The following MTMR10 variants were observed in gnomAD, a reference collection of about 807,000 sequenced individuals.
The protein encoded by MTMR10 is myotubularin related protein 10, also known as myotubularin-related protein 10.
Under a neutral mutation model 88.1 loss-of-function variants are expected in MTMR10, and 56 were observed. That is an observed-to-expected ratio of 0.64 (90% CI 0.51 to 0.79). The LOEUF is 0.79. MTMR10 is among the 30% of genes least tolerant of loss of function. MTMR10 has a pLI of 0.00. For synonymous variants in MTMR10, 380 were observed against 340.9 expected (o/e 1.11, Z -1.26); for missense variants, 883 against 924.7 (o/e 0.95, Z 0.58).
Position 30,970,106 on chromosome 15 carries a change from G to A in MTMR10, c.475-2096C>T, listed in dbSNP as rs2063519903. On this transcript the variant is annotated intron_variant, in intron 5 of 15. Coordinates refer to ENST00000435680, the MANE Select transcript of MTMR10 (RefSeq NM_017762.3). The stretch of plus-strand genomic sequence containing the variant: ...GTGGATGAAAAGTAGGATATAGGTG[G>A]TTCTGTTACACTTCTACCATGAAGG... 2.0e-5 allele frequency among the ~76,000 whole-genome samples: 3 copies of A among 152,108 alleles called. No homozygotes were observed. The South Asian group carries it at 6.2e-4, about 31-fold the overall frequency.
chr15:30,940,925 C>A lies in MTMR10; in HGVS notation c.*545G>T. On this transcript the variant is annotated 3_prime_UTR_variant, in exon 16 of 16. Coordinates refer to ENST00000435680, the MANE Select transcript of MTMR10 (RefSeq NM_017762.3). Reference sequence around the variant, plus strand: ...TAAAAGCAAACTCATGATTTCAAAACACAGTGATCTAAGGTTCCAAAGAAG... The same window carrying A: ...TAAAAGCAAACTCATGATTTCAAAAAACAGTGATCTAAGGTTCCAAAGAAG... 3 of 1,050,820 alleles carry A rather than the reference C, an allele frequency of 2.9e-6. No individual in the cohort carries two copies. The highest frequency in any genetic ancestry group is 3.5e-6 in the Non-Finnish European group (3 of 868,394). The allele number at this position is 1,050,820 out of a possible 1,614,324, so 65.1% of individuals were successfully genotyped here.
At chr15:30,928,096 C>T in the MTMR10 span, 5 of 1,000,108 alleles carry the variant, frequency 5.0e-6, no homozygotes, top group Admixed American at 5.6e-5. Flanking sequence ...TGGCTGCTGC[C>T]GGCCTCCGGG....
chr15:30,937,077 C>A, downstream of MTMR10: 8 of 1,551,772 alleles, frequency 5.2e-6, no homozygotes, highest in Non-Finnish European at 7.0e-6. Flanking sequence ...GCTTTTCATT[C>A]AGTAAGATAC....
At chr15:30,986,193 T>C (rs1027296106) in intron 2 of MTMR10, among the ~76,000 whole-genome samples, 6 of 152,042 alleles carry the variant, frequency 3.9e-5, no homozygotes, top group Non-Finnish European at 7.4e-5. Flanking sequence ...GGCGCACGTC[T>C]GTAGTCCTAG....
At chr15:30,990,976 G>A in intron 1 of MTMR10, 139 bp from the exon 2 acceptor site, 1 of 718,388 alleles carries the variant, frequency 1.4e-6, no homozygotes, top group East Asian at 2.8e-5. Context: ...CATATTAACT[G>A]AGCTGTTTTT....
At chr15:30,926,195 C>T in the MTMR10 span, among the ~76,000 whole-genome samples, 1 of 152,352 alleles carries the variant, frequency 6.6e-6, no homozygotes, top group African/African-American at 2.4e-5. Context: ...AGGTACTGCA[C>T]AAGCCTTTGT....
intron 14 of MTMR10, chr15:30,943,406 A>C: frequency 1.0e-6 from 1 of 984,642 alleles, no homozygotes; most frequent in South Asian, 4.7e-5. Flanking sequence ...TTATTTCTAT[A>C]ATTACAGTAT....
intron 14 of MTMR10, chr15:30,946,812 GTTT>G (rs2063178025): frequency 1.4e-6 from 1 of 694,830 alleles, no homozygotes; most frequent in Non-Finnish European, 2.6e-6. Flanking sequence ...CAGGGCTTTT[GTTT>G]TTTACTACCC....
chr15:30,974,950 A>G lies in MTMR10; in HGVS notation c.312T>C (p.Cys104=), dbSNP rs766838572. The change falls in exon 4 of 16, where the codon TGT becomes TGC. Residue 104 remains cysteine (C), a synonymous_variant. Transcript: ENST00000435680. ...LLGEHDVPLT[C]IEQIVTVNDH... is the part of the protein sequence containing the mutation. ...ACGTACCTGTGACAATTTGCTCAAT[A>G]CATGTTAAAGGGACATCGTGTTCAC... is the stretch of plus-strand genomic sequence containing the variant. 6.3e-7 allele frequency: 1 copy of G among 1,575,228 alleles called. No individual in the cohort carries two copies. Among genetic ancestry groups the G allele is most frequent in the African/African-American group, 1.3e-5 (1 of 74,324 alleles).
chr15:30,927,414 T>G, the MTMR10 span: 1 of 985,400 alleles, frequency 1.0e-6, no homozygotes, highest in South Asian at 4.7e-5. Context: ...CCGCTGTCCT[T>G]TTGAATCCCT....
At chr15:30,981,235 A>G (rs2141061810) in intron 2 of MTMR10, among the ~76,000 whole-genome samples, 1 of 152,388 alleles carries the variant, frequency 6.6e-6, no homozygotes, top group South Asian at 2.1e-4. Flanking sequence ...TCCTCTCTCC[A>G]GGAAGTGGAG....
chr15:30,922,664 C>T, the MTMR10 span, among the ~76,000 whole-genome samples: 52 of 152,278 alleles, frequency 3.4e-4, no homozygotes, highest in East Asian at 9.3e-3. Context: ...ATGACTCAGC[C>T]GTCAGCAAGT....
intron 12 of MTMR10, among the ~76,000 whole-genome samples, chr15:30,951,328 T>C (rs993350204): frequency 1.3e-5 from 2 of 152,122 alleles, no homozygotes; most frequent in African/African-American, 4.8e-5. Flanking sequence ...TAAAACAAAT[T>C]TGTACAAATT....
At position 30,941,507 on chromosome 15, in the gene MTMR10, AT is replaced by A; in HGVS notation, c.2296del (p.Ile766TyrfsTer8). The A allele has an allele frequency of 2.5e-6, 4 of 1,611,920 alleles. No homozygotes were observed. Among genetic ancestry groups the A allele is most frequent in the Non-Finnish European group, 3.4e-6 (4 of 1,178,842 alleles). Reference protein sequence around the residue: ...PLSKFLSGAKIWLSTETLANE... With the variant: ...PLSKFLSGAKXWLSTETLANE... ...TGCTAATGTCTCAGTAGACAACCAT[AT>A]TTTGGCCCCACTTAAAAATTTGCTT... is the stretch of plus-strand genomic sequence containing the variant. On this transcript the variant is annotated frameshift_variant, in exon 16 of 16. Transcript: ENST00000435680. LOFTEE classifies it high-confidence loss of function.
rs1359567707 is a variant in MTMR10 at position 30,953,510 on chromosome 15, T to C, written c.1136+52A>G. The C allele has an allele frequency of 1.2e-5, 16 of 1,367,930 alleles. No individual in the cohort carries two copies. The Admixed American group carries it at 1.3e-4, about 11-fold the overall frequency. 84.7% of individuals were successfully genotyped at this position (1,367,930 alleles called of 1,614,324 possible). A position where few individuals can be genotyped will look rare whatever the true frequency, so the allele number is the denominator to read the frequency against. ...TATTTTTGTACCTCCAGTGAGTCTG[T>C]AGTTATCTCAAAATAAAAAGTTAAA... On this transcript the variant is annotated intron_variant, in intron 11 of 15. Transcript: ENST00000435680.
rs2063299327 is a variant in MTMR10, at chr15:30,954,824, G to A, written c.1005C>T (p.Thr335=). 2 of 1,595,294 alleles carry A rather than the reference G, an allele frequency of 1.3e-6. No individual in the cohort carries two copies. Among genetic ancestry groups the A allele is most frequent in the Non-Finnish European group, 1.7e-6 (2 of 1,169,530 alleles). ...SDVYKSDLDK[T]LPNIQEVQAA... is the part of the protein sequence containing the mutation. ...CCTGTACTTCTTGAATATTAGGCAAGGTCTTATCCAAATCTGATTTGTAAA... is the reference window on the plus strand; with the variant it reads ...CCTGTACTTCTTGAATATTAGGCAAAGTCTTATCCAAATCTGATTTGTAAA... Residue 335 remains threonine, a synonymous_variant, in exon 10 of 16, where the codon ACC becomes ACT. Coordinates refer to ENST00000435680, the MANE Select transcript of MTMR10 (RefSeq NM_017762.3).
chr15:30,968,534 AACACACACACAC>A (rs61503155), intron 5 of MTMR10, among the ~76,000 whole-genome samples: 57,378 of 143,090 alleles, frequency 0.4, 12,319 homozygotes, highest in East Asian at 0.82. Flanking sequence ...TCAAAAAAAC[AACACACACACAC>A]ACACACACAC....
At chr15:30,988,763 C>T (rs961872563) in intron 2 of MTMR10, among the ~76,000 whole-genome samples, 11 of 152,122 alleles carry the variant, frequency 7.2e-5, no homozygotes, top group South Asian at 2.1e-4. Context: ...CCAAGGCGGG[C>T]GGATCACCTG....
At chr15:30,989,865 A>G (rs1406226684) in intron 2 of MTMR10, among the ~76,000 whole-genome samples, 1 of 152,104 alleles carries the variant, frequency 6.6e-6, no homozygotes, top group Non-Finnish European at 1.5e-5. Context: ...GATTACAGGC[A>G]TGAGCCACCG....
Sources: allele counts gnomAD v4.1 joint callset (sites outside exome capture counted in the v4.1 genomes callset), GRCh38; gene constraint gnomAD v4.1.1; transcripts MANE v1.5; gene names NCBI Gene and HGNC (gene_info 2026-07-23, HGNC 2026-07-21).